The following CHCHD6 variants were observed in gnomAD, a reference collection of about 807,000 sequenced individuals.
CHCHD6 encodes coiled-coil-helix-coiled-coil-helix domain containing 6, also known as MICOS complex subunit MIC25.
A neutral mutation model predicts 32.3 loss-of-function variants in CHCHD6; 28 were observed. The ratio of observed to expected loss-of-function variants is 0.87; its 90% CI spans 0.64 to 1.19. The LOEUF is 1.19. Among genes scored for constraint, CHCHD6 ranks in the 50% most tolerant of loss-of-function variants. The pLI is 0.00. For synonymous variants in CHCHD6, 122 were observed against 117.5 expected, an observed-to-expected ratio of 1.04 and a Z score of -0.25; for missense variants, 333 against 307.0, an observed-to-expected ratio of 1.08 and a Z score of -0.63.
intron 4 of CHCHD6, among the ~76,000 whole-genome samples, chr3:126,782,356 G>T (rs1039392400): frequency 6.6e-6 from 1 of 152,204 alleles, no homozygotes; most frequent in East Asian, 1.9e-4. Context: ...TTTAGTGTCT[G>T]TTCTGGCCTC....
chr3:126,909,514 C>A (rs535202611), intron 5 of CHCHD6, among the ~76,000 whole-genome samples: 9 of 152,142 alleles, frequency 5.9e-5, no homozygotes, highest in African/African-American at 2.2e-4. Flanking sequence ...GAAAACTGCT[C>A]GGGAAGTAAT....
intron 6 of CHCHD6, chr3:126,953,051 C>G (rs1559941041): frequency 1.0e-6 from 1 of 985,402 alleles, no homozygotes; most frequent in African/African-American, 1.7e-5. Flanking sequence ...TGAGCATGTT[C>G]TGACCGGGCC....
chr3:126,940,315 G>A (rs1183641874), intron 6 of CHCHD6, among the ~76,000 whole-genome samples: 1 of 152,308 alleles, frequency 6.6e-6, no homozygotes, highest in East Asian at 1.9e-4. Context: ...ACACAGTTCA[G>A]TGTGTGCTAT....
intron 4 of CHCHD6, among the ~76,000 whole-genome samples, chr3:126,764,261 G>T (rs1227323862): frequency 6.8e-6 from 1 of 147,098 alleles, no homozygotes; most frequent in African/African-American, 2.5e-5. Context: ...CACTAAACCA[G>T]GCACCTTCAA....
chr3:126,766,371 C>G (rs1228208044), intron 4 of CHCHD6: 1 of 489,452 alleles, frequency 2.0e-6, no homozygotes, highest in Non-Finnish European at 3.8e-6. Context: ...ACTTCCCATC[C>G]CAGTGCACAT....
intron 6 of CHCHD6, among the ~76,000 whole-genome samples, chr3:126,944,634 G>A (rs1432797338): frequency 6.6e-6 from 1 of 152,248 alleles, no homozygotes; most frequent in African/African-American, 2.4e-5. Context: ...CCCAGTGAGA[G>A]GGGACAGAGA....
chr3:126,753,785 C>G (rs1045314823), intron 4 of CHCHD6, among the ~76,000 whole-genome samples: 1 of 152,210 alleles, frequency 6.6e-6, no homozygotes, highest in East Asian at 1.9e-4. Flanking sequence ...CAGCACGAGT[C>G]TGGGTGGCAG....
In CHCHD6 at chr3:126,804,335, AAGAG is replaced by A. The variant is rs1188642952; in HGVS notation, c.412-48308_412-48305del. Among the ~76,000 whole-genome samples the A allele has an allele frequency of 1.1e-4, 16 of 152,206 alleles. No homozygotes were observed. In the East Asian group the frequency reaches 1.9e-3, roughly 18 times the overall value. On this transcript the variant is annotated intron_variant, in intron 4 of 7. Coordinates refer to ENST00000290913, the MANE Select transcript of CHCHD6 (RefSeq NM_032343.3). ...CGCTAGCAAGACTAATAAAGAAAAAAAGAGAGAAGAATCAAATAGACGCAATAAA... is the reference window on the plus strand; with the variant it reads ...CGCTAGCAAGACTAATAAAGAAAAAAAGAAGAATCAAATAGACGCAATAAA...
intron 5 of CHCHD6, among the ~76,000 whole-genome samples, chr3:126,881,874 G>A (rs969875182): frequency 8.5e-5 from 13 of 152,242 alleles, no homozygotes; most frequent in African/African-American, 3.1e-4. Flanking sequence ...AGGCTGCCCT[G>A]GCAGGTGGCT....
intron 4 of CHCHD6, among the ~76,000 whole-genome samples, chr3:126,740,964 G>A (rs933198957): frequency 1.3e-5 from 2 of 152,208 alleles, no homozygotes; most frequent in East Asian, 3.8e-4. Flanking sequence ...TTCGGTCATG[G>A]GATTGAGAGT....
intron 4 of CHCHD6, among the ~76,000 whole-genome samples, chr3:126,764,439 T>G (rs1937281217): frequency 6.6e-6 from 1 of 152,046 alleles, no homozygotes; most frequent in Non-Finnish European, 1.5e-5. Flanking sequence ...TCCCCACAAC[T>G]CCTTGTTTTA....
intron 5 of CHCHD6, among the ~76,000 whole-genome samples, chr3:126,893,534 A>G (rs1277031551): frequency 6.6e-6 from 1 of 152,232 alleles, no homozygotes; most frequent in Non-Finnish European, 1.5e-5. Flanking sequence ...GATAAAAGCC[A>G]TTAATCCGAA....
chr3:126,806,276 G>C (rs1939372520), intron 4 of CHCHD6, among the ~76,000 whole-genome samples: 2 of 152,102 alleles, frequency 1.3e-5, no homozygotes, highest in Non-Finnish European at 2.9e-5. Context: ...CCTAAAAAAT[G>C]GGAGAAAATT....
intron 4 of CHCHD6, among the ~76,000 whole-genome samples, chr3:126,847,715 C>A (rs1302230601): frequency 1.3e-5 from 2 of 151,982 alleles, no homozygotes; most frequent in African/African-American, 4.8e-5. Context: ...TTTATTTGGT[C>A]TTTTCTGTTT....
At chr3:126,800,157 G>GAT (rs1301380068) in intron 4 of CHCHD6, among the ~76,000 whole-genome samples, 1 of 152,058 alleles carries the variant, frequency 6.6e-6, no homozygotes, top group Non-Finnish European at 1.5e-5. Flanking sequence ...TTAAAATTGT[G>GAT]ATATATATTA....
intron 4 of CHCHD6, among the ~76,000 whole-genome samples, chr3:126,774,811 AGTTTACT>A (rs1937606359): frequency 6.6e-6 from 1 of 152,102 alleles, no homozygotes; most frequent in African/African-American, 2.4e-5. Flanking sequence ...GTTATCTAAA[AGTTTACT>A]GTCTAAATTT....
chr3:126,951,532 C>T (rs769768086), intron 6 of CHCHD6, among the ~76,000 whole-genome samples: 1 of 152,056 alleles, frequency 6.6e-6, no homozygotes, highest in Non-Finnish European at 1.5e-5. Context: ...AAGGTTGTAC[C>T]GAAACTTATG....
intron 5 of CHCHD6, among the ~76,000 whole-genome samples, chr3:126,857,931 C>T (rs1028096179): frequency 6.6e-5 from 10 of 152,180 alleles, no homozygotes; most frequent in African/African-American, 2.4e-4. Context: ...TGCCCCAGGA[C>T]CTAGCATTCT....
chr3:126,751,874 A>T (rs1936738367), intron 4 of CHCHD6, among the ~76,000 whole-genome samples: 1 of 152,220 alleles, frequency 6.6e-6, no homozygotes, highest in Non-Finnish European at 1.5e-5. Context: ...CCAGGTGCAC[A>T]GCACATGGAA....
Sources: gnomAD v4.1 joint callset for allele counts (sites outside exome capture counted in the v4.1 genomes callset) on GRCh38, gnomAD v4.1.1 for gene constraint, MANE v1.5 for transcripts, NCBI Gene and HGNC (gene_info 2026-07-23, HGNC 2026-07-21) for gene names.